RAB43: variants seen among roughly 807,000 people sequenced by gnomAD.
RAB43 encodes RAB43, member RAS oncogene family, also known as ras-related protein Rab-43.
Under a neutral mutation model 18.8 loss-of-function variants are expected in RAB43, and 6 were observed. The observed-to-expected ratio is 0.32, with a 90% CI of 0.17 to 0.63. The LOEUF is 0.63. Ranked by LOEUF, RAB43 falls within the 30% of genes least tolerant of loss-of-function variation. The pLI is 0.79. For synonymous variants in RAB43, 103 were observed against 124.1 expected (o/e 0.83, Z 1.13); for missense variants, 195 against 289.1 (o/e 0.67, Z 2.36).
intron 1 of RAB43, among the ~76,000 whole-genome samples, chr3:129,101,750 C>G (rs1000920026): frequency 2.0e-5 from 3 of 152,328 alleles, no homozygotes; most frequent in African/African-American, 7.2e-5. Context: ...AGAGCCAGAG[C>G]ATATAGGATC....
intron 2 of RAB43, among the ~76,000 whole-genome samples, chr3:129,094,577 T>C (rs1191661270): frequency 3.9e-5 from 5 of 128,062 alleles, no homozygotes; most frequent in Non-Finnish European, 7.9e-5. Context: ...TGCAGTGGCG[T>C]GATCTCAGCT....
At chr3:129,113,834 C>T (rs1049949120) in intron 1 of RAB43, among the ~76,000 whole-genome samples, 1 of 152,120 alleles carries the variant, frequency 6.6e-6, no homozygotes, top group Non-Finnish European at 1.5e-5. Context: ...CGAGACCATC[C>T]TGGCTAACAT....
intron 1 of RAB43, among the ~76,000 whole-genome samples, chr3:129,108,645 T>C (rs1330554111): frequency 6.6e-6 from 1 of 152,210 alleles, no homozygotes; most frequent in Non-Finnish European, 1.5e-5. Flanking sequence ...CCAACAACCA[T>C]AACTAAGCTC....
Position 129,121,617 on chromosome 3 carries a change from C to G in RAB43, c.-128G>C. The G allele has an allele frequency of 1.4e-6, 1 of 735,736 alleles. No homozygotes were observed. Among genetic ancestry groups the G allele is most frequent in the Non-Finnish European group, 2.1e-6 (1 of 477,494 alleles). The allele number at this position is 735,736 out of a possible 1,614,324, so 45.6% of individuals were successfully genotyped here. A position where few individuals can be genotyped will look rare whatever the true frequency, so the allele number is the denominator to read the frequency against. On this transcript the variant is annotated 5_prime_UTR_variant, in exon 1 of 3. Coordinates refer to ENST00000315150, the MANE Select transcript of RAB43 (RefSeq NM_198490.3). ...TGGCTACGTGGAGCCGCCGCAACAC[C>G]TGAACCCCCAGCACTGCCGACCGCC...
intron 1 of RAB43, among the ~76,000 whole-genome samples, chr3:129,119,252 G>A (rs1376437743): frequency 1.3e-5 from 2 of 152,210 alleles, no homozygotes; most frequent in East Asian, 3.8e-4. Flanking sequence ...AGCCTGACTC[G>A]AAGGACAGTG....
At chr3:129,091,479 T>C in intron 2 of RAB43, 133 bp from the exon 3 acceptor site, 1 of 1,234,688 alleles carries the variant, frequency 8.1e-7, no homozygotes, top group Non-Finnish European at 1.1e-6. Context: ...CATGGTCATC[T>C]GTCTTTCTTT....
rs936884415 is a variant in RAB43, at chr3:129,107,724, A to T, written c.205-12555T>A. Among the ~76,000 whole-genome samples, 2 of 152,098 alleles carry T rather than the reference A, an allele frequency of 1.3e-5. No homozygotes were observed. The highest frequency in any genetic ancestry group is 2.9e-5 in the Non-Finnish European group (2 of 68,006). ...CGTAAACCCCACACCTCTTTTCCCC[A>T]AATTCCTCCGCTGCAAGGGCCCAGG... On this transcript the variant is annotated intron_variant, in intron 1 of 2. Transcript: ENST00000315150. The surrounding 1 kb of genome is among the most constrained non-coding windows in gnomAD (Gnocchi z 4.2).
chr3:129,095,051 G>A lies in RAB43; in HGVS notation c.323C>T (p.Ser108Leu), dbSNP rs1576817622. 8.1e-6 allele frequency: 13 copies of A among 1,613,872 alleles called. No individual in the cohort carries two copies. The highest frequency in any genetic ancestry group is 1.1e-5 in the South Asian group (1 of 91,050). The change falls in exon 2 of 3, where the codon TCG (serine) becomes TTG (leucine). Residue 108 changes from serine (S) to leucine (L), a missense_variant. By Grantham distance (145) the Ser-to-Leu change is moderately radical. Coordinates refer to ENST00000315150, the MANE Select transcript of RAB43 (RefSeq NM_198490.3). The surrounding 1 kb of genome is among the most constrained non-coding windows in gnomAD (Gnocchi z 4.2). ...YDITKRSSFL[S>L]VPHWIEDVRK... ...CACATCCTCAATCCAGTGAGGCACC[G>A]ACAGGAAGGAGCTCCTCTTGGTGAT...
At chr3:129,116,913 G>A (rs373810358) in intron 1 of RAB43, among the ~76,000 whole-genome samples, 1 of 145,940 alleles carries the variant, frequency 6.9e-6, no homozygotes, top group Non-Finnish European at 1.5e-5. Flanking sequence ...TAAGGATTTA[G>A]AGCCAGCTGA....
At position 129,095,026 on chromosome 3, in the gene RAB43, C is replaced by T; in HGVS notation, c.348G>A (p.Val116=). The part of the protein sequence containing the change: ...FLSVPHWIED[V]RKYAGSNIVQ... ...CAATGTTGGAGCCCGCATACTTCCT[C>T]ACATCCTCAATCCAGTGAGGCACCG... The change falls in exon 2 of 3, where the codon GTG becomes GTA. Residue 116 remains valine, a synonymous_variant. Coordinates refer to ENST00000315150, the MANE Select transcript of RAB43 (RefSeq NM_198490.3). This position sits in a 1 kb window ranked among gnomAD's most constrained non-coding sequence, Gnocchi z 4.2. 2 of 1,612,806 alleles carry T rather than the reference C, an allele frequency of 1.2e-6. No homozygotes were observed. The highest frequency in any genetic ancestry group is 1.7e-6 in the Non-Finnish European group (2 of 1,179,266).
intron 1 of RAB43, among the ~76,000 whole-genome samples, chr3:129,110,059 C>G (rs977185634): frequency 1.2e-4 from 18 of 151,944 alleles, no homozygotes; most frequent in Admixed American, 1.2e-3. Context: ...GAGACAGGTT[C>G]TCCCCATGTT....
intron 1 of RAB43, among the ~76,000 whole-genome samples, chr3:129,104,654 A>T (rs1351366733): frequency 6.6e-6 from 1 of 152,186 alleles, no homozygotes; most frequent in Non-Finnish European, 1.5e-5. Context: ...CACCTTGGTG[A>T]CAGAAGGGCT....
At position 129,091,240 on chromosome 3, in the gene RAB43, G is replaced by C. The variant is rs1326325954; in HGVS notation, c.495C>G (p.Asp165Glu). The stretch of plus-strand genomic sequence containing the variant: ...GGAAGGCCTCCTCCACGTTGCTCGA[G>C]TCCTTGGCAGACGTCTCAATGGCAC... ...ILCAIETSAK[D>E]SSNVEEAFLR... The change falls in exon 3 of 3, where the codon GAC becomes GAG. Residue 165 changes from aspartate to glutamate, a missense_variant. Coordinates refer to ENST00000315150, the MANE Select transcript of RAB43 (RefSeq NM_198490.3). 6.3e-7 allele frequency: 1 copy of C among 1,594,566 alleles called. No homozygotes were observed. Among genetic ancestry groups the C allele is most frequent in the Non-Finnish European group, 8.6e-7 (1 of 1,169,348 alleles).
rs1933427910 is a variant in RAB43 at position 129,087,594 on chromosome 3, T to C, written c.*3502A>G. The C allele has an allele frequency of 6.6e-6, 1 of 152,168 alleles. No homozygotes were observed. The highest frequency in any genetic ancestry group is 2.4e-5 in the African/African-American group (1 of 41,434). The allele number at this position is 152,168 out of a possible 1,614,324, so 9.4% of individuals were successfully genotyped here. Reference sequence around the variant, plus strand: ...TGGCTTGTTATAGAAATCTGTTTAATGGTTTAGGAATGTGTACACTCTGGC... The same window carrying C: ...TGGCTTGTTATAGAAATCTGTTTAACGGTTTAGGAATGTGTACACTCTGGC... On this transcript the variant is annotated 3_prime_UTR_variant, in exon 3 of 3. Transcript: ENST00000315150.
intron 1 of RAB43, among the ~76,000 whole-genome samples, chr3:129,106,020 C>T (rs1323679487): frequency 6.6e-6 from 1 of 152,196 alleles, no homozygotes; most frequent in Non-Finnish European, 1.5e-5. Flanking sequence ...TCCCAGTAGT[C>T]AGGCCCGTGC....
chr3:129,120,906 T>C (rs1338764267), intron 1 of RAB43, among the ~76,000 whole-genome samples: 1 of 152,182 alleles, frequency 6.6e-6, no homozygotes, highest in Non-Finnish European at 1.5e-5. Flanking sequence ...TCGCGGTGGA[T>C]GGAGGTGGGG....
chr3:129,112,136 T>C (rs1473587708), intron 1 of RAB43, among the ~76,000 whole-genome samples: 1 of 152,010 alleles, frequency 6.6e-6, no homozygotes, highest in East Asian at 1.9e-4. Flanking sequence ...TGCCCTGTAG[T>C]TCCAGCTACT....
intron 1 of RAB43, among the ~76,000 whole-genome samples, chr3:129,115,424 A>G (rs1935456892): frequency 6.6e-6 from 1 of 152,138 alleles, no homozygotes; most frequent in Non-Finnish European, 1.5e-5. Context: ...GAATCACTTG[A>G]GCCCAGGAGG....
rs1285360455 is a variant in RAB43, at chr3:129,091,417, C to T, written c.389-71G>A. On this transcript the variant is annotated intron_variant, in intron 2 of 2. Coordinates refer to ENST00000315150, the MANE Select transcript of RAB43 (RefSeq NM_198490.3). ...AGCCCAGTCCCACCTGGGAGGGTCA[C>T]GCTGACAGCCCCATGCCACTCCCTT... 1.1e-5 allele frequency: 16 copies of T among 1,513,678 alleles called. 1 individual carries two copies. Among genetic ancestry groups the T allele is most frequent in the East Asian group, 4.8e-5 (2 of 41,306 alleles). The allele number at this position is 1,513,678 out of a possible 1,614,324, so 93.8% of individuals were successfully genotyped here. A position where few individuals can be genotyped will look rare whatever the true frequency, so the allele number is the denominator to read the frequency against.
Sources: allele counts gnomAD v4.1 joint callset (sites outside exome capture counted in the v4.1 genomes callset), GRCh38; gene constraint gnomAD v4.1.1; non-coding constraint Gnocchi (gnomAD v3.1); transcripts MANE v1.5; gene names NCBI Gene and HGNC (gene_info 2026-07-23, HGNC 2026-07-21).